CFAP54: variants seen among roughly 807,000 people sequenced by gnomAD.
CFAP54 encodes the protein cilia- and flagella-associated protein 54.
CFAP54 carries 290 observed loss-of-function variants against 370.4 expected under a neutral mutation model. That is an observed-to-expected ratio of 0.78 (90% confidence interval 0.71 to 0.86). CFAP54 has a LOEUF of 0.86. CFAP54 is among the 40% of genes least tolerant of loss of function. CFAP54 has a pLI of 0.00. For synonymous variants in CFAP54, 1,206 were observed against 1,236.5 expected, an observed-to-expected ratio of 0.98 and a Z score of 0.52; for missense variants, 3,399 against 3,528.7, an observed-to-expected ratio of 0.96 and a Z score of 0.93.
At chr12:96,523,155 G>C (rs1049870679) in intron 8 of CFAP54, among the ~76,000 whole-genome samples, 3 of 152,164 alleles carry the variant, frequency 2.0e-5, no homozygotes, top group South Asian at 2.1e-4. Flanking sequence ...AAATGAATCT[G>C]GGGGGAAGGA....
At chr12:96,629,188 G>T (rs1956577427) in intron 30 of CFAP54, among the ~76,000 whole-genome samples, 1 of 152,084 alleles carries the variant, frequency 6.6e-6, no homozygotes, top group African/African-American at 2.4e-5. Context: ...ATCCAGTTCT[G>T]TTCCATGTAC....
chr12:96,534,004 T>A, intron 10 of CFAP54, 31 bp downstream of exon 10: 1 of 1,497,252 alleles, frequency 6.7e-7, no homozygotes, highest in Non-Finnish European at 8.8e-7. Context: ...CTCCTGGTTT[T>A]TTTTTTGTTA....
chr12:96,859,891 G>T (rs975617389), intron 66 of CFAP54, among the ~76,000 whole-genome samples: 2 of 152,080 alleles, frequency 1.3e-5, no homozygotes, highest in Non-Finnish European at 2.9e-5. Flanking sequence ...ATTATATTAG[G>T]ATTGATCAAG....
chr12:96,548,558 G>T (rs144163662), intron 15 of CFAP54, among the ~76,000 whole-genome samples: 77 of 152,270 alleles, frequency 5.1e-4, no homozygotes, highest in Non-Finnish European at 9.7e-4. Flanking sequence ...GGACTGTGGG[G>T]TCGTTCTGAA....
intron 48 of CFAP54, 137 bp downstream of exon 48, chr12:96,708,940 A>T: frequency 3.0e-6 from 2 of 673,906 alleles, no homozygotes; most frequent in Non-Finnish European, 4.9e-6. Flanking sequence ...TGACACACAT[A>T]TGTACTTATG....
At chr12:96,516,233 AATAG>A (rs1041555773) in intron 5 of CFAP54, among the ~76,000 whole-genome samples, 8 of 152,040 alleles carry the variant, frequency 5.3e-5, no homozygotes, top group South Asian at 2.1e-4. Flanking sequence ...TATCTTATAT[AATAG>A]ATAAGGAAGC....
At chr12:96,739,879 G>T in intron 50 of CFAP54, 77 bp from the exon 51 acceptor site, 1 of 903,988 alleles carries the variant, frequency 1.1e-6, no homozygotes, top group South Asian at 1.7e-5. Context: ...GTTTTTTGGA[G>T]AAAGTGATTT....
chr12:96,658,253 A>G lies in CFAP54; in HGVS notation c.5367A>G (p.Ala1789=), dbSNP rs1565931588. Residue 1789 remains alanine (A), a synonymous_variant, in exon 38 of 68, where the codon GCA becomes GCG. Coordinates refer to ENST00000524981, the MANE Select transcript of CFAP54 (RefSeq NM_001306084.2). ...AAGTGACACCACTTCTGGTGTATGC[A>G]CAGCGCCAGCTTCTGCTGAGAATAC... is the stretch of plus-strand genomic sequence containing the variant. The part of the protein sequence containing the change: ...TEQVTPLLVY[A]QRQLLLRIQK... 1 of 1,614,106 alleles carries G rather than the reference A, an allele frequency of 6.2e-7. No homozygotes were observed. The highest frequency in any genetic ancestry group is 1.7e-5 in the Admixed American group (1 of 60,020).
intron 48 of CFAP54, among the ~76,000 whole-genome samples, chr12:96,713,130 C>T (rs957695441): frequency 1.3e-5 from 2 of 152,120 alleles, no homozygotes; most frequent in East Asian, 3.8e-4. Flanking sequence ...ACAGTATGGT[C>T]ATTCCTCAAA....
At chr12:96,821,593 T>G (rs917982707) in intron 65 of CFAP54, among the ~76,000 whole-genome samples, 2 of 152,030 alleles carry the variant, frequency 1.3e-5, no homozygotes, top group Non-Finnish European at 2.9e-5. Flanking sequence ...GGAACACTAA[T>G]ATTCGTTTAG....
chr12:96,653,166 C>G (rs1053036491), intron 36 of CFAP54, among the ~76,000 whole-genome samples: 2 of 152,174 alleles, frequency 1.3e-5, no homozygotes, highest in African/African-American at 4.8e-5. Context: ...TACAATAAAA[C>G]TGTAATTGTA....
chr12:96,605,350 A>G (rs815886), intron 26 of CFAP54, among the ~76,000 whole-genome samples: 105,230 of 152,006 alleles, frequency 0.69, 36,578 homozygotes, highest in African/African-American at 0.71. Context: ...TGAAGAGTCA[A>G]TCAGTAATGG....
intron 61 of CFAP54, among the ~76,000 whole-genome samples, chr12:96,786,197 A>T (rs978151222): frequency 7.1e-6 from 1 of 141,826 alleles, no homozygotes; most frequent in Non-Finnish European, 1.5e-5. Context: ...TCTTTTTTTT[A>T]ATCTTTTTTT....
intron 32 of CFAP54, among the ~76,000 whole-genome samples, chr12:96,638,184 C>CAT (rs61605059): frequency 0.043 from 5,890 of 137,414 alleles, 204 homozygotes; most frequent in East Asian, 0.11. Flanking sequence ...TTAGCTGCAT[C>CAT]ATATATATAT....
chr12:96,741,964 GA>G (rs1226701308), intron 51 of CFAP54, among the ~76,000 whole-genome samples: 1 of 152,142 alleles, frequency 6.6e-6, no homozygotes, highest in Non-Finnish European at 1.5e-5. Context: ...CTGTAAAATG[GA>G]AATGATTATA....
At chr12:96,835,645 C>G (rs79304458) in intron 66 of CFAP54, among the ~76,000 whole-genome samples, 1 of 152,172 alleles carries the variant, frequency 6.6e-6, no homozygotes, top group Non-Finnish European at 1.5e-5. Flanking sequence ...CAAGACTTCC[C>G]GGGCCCCCAA....
Position 96,658,445 on chromosome 12 carries a change from C to A in CFAP54, c.5460+99C>A, listed in dbSNP as rs1408451918. ...AGAAGTCAGATAAATCTTATTATTT[C>A]TGCTTTAGTATTTCCACTTACTGGC... On this transcript the variant is annotated intron_variant, in intron 38 of 67. Transcript: ENST00000524981. The A allele has an allele frequency of 2.9e-6, 4 of 1,391,510 alleles. No homozygotes were observed. The East Asian group carries it at 9.2e-5, about 32-fold the overall frequency. The allele number at this position is 1,391,510 out of a possible 1,614,324, so 86.2% of individuals were successfully genotyped here. A position where few individuals can be genotyped will look rare whatever the true frequency, so the allele number is the denominator to read the frequency against.
intron 33 of CFAP54, chr12:96,646,178 G>C (rs1315142980): frequency 6.6e-6 from 1 of 152,084 alleles, no homozygotes; most frequent in Non-Finnish European, 1.5e-5. Flanking sequence ...TACAGAATGG[G>C]AGAAAATTTT....
At chr12:96,667,029 C>T (rs1456383420) in intron 39 of CFAP54, among the ~76,000 whole-genome samples, 1 of 152,158 alleles carries the variant, frequency 6.6e-6, no homozygotes, top group Non-Finnish European at 1.5e-5. Context: ...AATCCAAAAT[C>T]CAATAAGGCA....
Sources: gnomAD v4.1 joint callset for allele counts (sites outside exome capture counted in the v4.1 genomes callset) on GRCh38, gnomAD v4.1.1 for gene constraint, MANE v1.5 for transcripts, NCBI Gene and HGNC (gene_info 2026-07-23, HGNC 2026-07-21) for gene names.